Variants in HPCAL1 observed in about 807,000 individuals in gnomAD.
HPCAL1 encodes the protein hippocalcin like 1, also known as hippocalcin-like protein 1.
In HPCAL1, 8 loss-of-function variants were observed where a neutral mutation model predicts 17.1. The ratio of observed to expected loss-of-function variants is 0.47; its 90% CI spans 0.27 to 0.84. The LOEUF (loss-of-function observed/expected upper bound fraction) is 0.84, where lower values mean the gene tolerates loss of function less well. Ranked by LOEUF, HPCAL1 falls within the 40% of genes least tolerant of loss-of-function variation. The probability of loss-of-function intolerance (pLI) is 0.13; values close to 1 mark genes in which losing one functional copy is unlikely to be tolerated. For missense variants in HPCAL1, 165 were observed against 271.1 expected (o/e 0.61, Z 2.75); for synonymous variants, 112 against 111.4 (o/e 1.01, Z -0.03).
At chr2:10,382,145 A>T (rs570716203) in intron 1 of HPCAL1, among the ~76,000 whole-genome samples, 27 of 152,320 alleles carry the variant, frequency 1.8e-4, no homozygotes, top group African/African-American at 6.0e-4. Flanking sequence ...ACATGGGGGA[A>T]CTCATCTGCA....
chr2:10,320,338 T>C (rs6743549), intron 1 of HPCAL1, among the ~76,000 whole-genome samples: 10,121 of 152,158 alleles, frequency 0.067, 570 homozygotes, highest in African/African-American at 0.15. Flanking sequence ...TGGGGGGTGA[T>C]TGGATCATGG....
chr2:10,304,787 A>G lies in HPCAL1; in HGVS notation c.-111+1610A>G, dbSNP rs1340261957. ...TCGCCTTGGTGTCTTTCTCTGGGGGAAAAAAATCGCCTTTAACCAAGGGAG... is the reference window on the plus strand; with the variant it reads ...TCGCCTTGGTGTCTTTCTCTGGGGGGAAAAAATCGCCTTTAACCAAGGGAG... On this transcript the variant is annotated intron_variant, in intron 1 of 4. Transcript: ENST00000307845. The surrounding 1 kb of genome is among the most constrained non-coding windows in gnomAD (Gnocchi z 4.1). 1.3e-5 allele frequency among the ~76,000 whole-genome samples: 2 copies of G among 151,956 alleles called. No individual in the cohort carries two copies. Among genetic ancestry groups the G allele is most frequent in the African/African-American group, 2.4e-5 (1 of 41,352 alleles).
chr2:10,337,806 G>A (rs1328477589), intron 1 of HPCAL1, among the ~76,000 whole-genome samples: 3 of 152,124 alleles, frequency 2.0e-5, no homozygotes, highest in African/African-American at 4.8e-5. Context: ...TCAGTGGCTG[G>A]TTTCTCAGTC....
intron 2 of HPCAL1, among the ~76,000 whole-genome samples, chr2:10,411,854 G>A (rs1670379591): frequency 6.6e-6 from 1 of 152,238 alleles, no homozygotes; most frequent in South Asian, 2.1e-4. Flanking sequence ...AGGCTGGAGA[G>A]GGCAGACTTC....
intron 1 of HPCAL1, among the ~76,000 whole-genome samples, chr2:10,361,830 C>T (rs1209749261): frequency 6.6e-6 from 1 of 151,768 alleles, no homozygotes; most frequent in Non-Finnish European, 1.5e-5. Context: ...AATTTTCCTG[C>T]TTCGGCTTCC....
intron 2 of HPCAL1, among the ~76,000 whole-genome samples, chr2:10,414,699 C>G (rs1670551633): frequency 6.6e-6 from 1 of 152,154 alleles, no homozygotes; most frequent in Non-Finnish European, 1.5e-5. Context: ...ATTCTGCTCA[C>G]AGCTGGTTCT....
chr2:10,329,727 C>T (rs369311679), intron 1 of HPCAL1, among the ~76,000 whole-genome samples: 7 of 152,246 alleles, frequency 4.6e-5, no homozygotes, highest in Admixed American at 2.0e-4. Flanking sequence ...GCTTCTGACC[C>T]GTGGATCCCA....
rs1051525629 is a variant in HPCAL1 at position 10,394,828 on chromosome 2, C to A, written c.-110-2007C>A. ...ATTTTATTTTTTTGAGACAACATTT[C>A]ACTGTCACCCAGGCTGGAGTGCAGT... On this transcript the variant is annotated intron_variant, in intron 1 of 4. Coordinates refer to ENST00000307845, the MANE Select transcript of HPCAL1 (RefSeq NM_002149.4). This position sits in a 1 kb window ranked among gnomAD's most constrained non-coding sequence, Gnocchi z 5.0. 1.3e-5 allele frequency among the ~76,000 whole-genome samples: 2 copies of A among 152,050 alleles called. No homozygotes were observed. Among genetic ancestry groups the A allele is most frequent in the Admixed American group, 6.6e-5 (1 of 15,262 alleles).
intron 1 of HPCAL1, among the ~76,000 whole-genome samples, chr2:10,355,178 G>A (rs1044704684): frequency 2.0e-5 from 3 of 152,162 alleles, no homozygotes; most frequent in Non-Finnish European, 2.9e-5. Flanking sequence ...GGGGCCGGGC[G>A]CGGTGGCTCA....
At chr2:10,347,366 T>C (rs558855414) in intron 1 of HPCAL1, among the ~76,000 whole-genome samples, 49 of 152,298 alleles carry the variant, frequency 3.2e-4, no homozygotes, top group African/African-American at 1.2e-3. Flanking sequence ...TGGGACTGAC[T>C]TGGCTCACAG....
intron 2 of HPCAL1, among the ~76,000 whole-genome samples, chr2:10,410,946 T>C (rs1670315782): frequency 7.0e-6 from 1 of 142,426 alleles, no homozygotes; most frequent in African/African-American, 2.5e-5. Context: ...CCCCCGTTTC[T>C]TGTGAGGCAG....
At chr2:10,332,174 G>A (rs1022961528) in intron 1 of HPCAL1, among the ~76,000 whole-genome samples, 15 of 152,168 alleles carry the variant, frequency 9.9e-5, no homozygotes, top group South Asian at 6.2e-4. Context: ...GGCTTCAGAG[G>A]GGAAGTACCT....
At chr2:10,306,323 G>A (rs931048656) in intron 1 of HPCAL1, among the ~76,000 whole-genome samples, 9 of 152,080 alleles carry the variant, frequency 5.9e-5, no homozygotes, top group Non-Finnish European at 1.2e-4. Flanking sequence ...AGCACCTGAT[G>A]TCACTGTGCT....
intron 4 of HPCAL1, chr2:10,424,365 C>G (rs1370682942): frequency 7.5e-6 from 3 of 402,530 alleles, no homozygotes; most frequent in Non-Finnish European, 1.6e-5. Flanking sequence ...ACCCTCCAGC[C>G]TAGCAGGGCA....
At chr2:10,358,756 C>G (rs996413978) in intron 1 of HPCAL1, among the ~76,000 whole-genome samples, 7 of 152,240 alleles carry the variant, frequency 4.6e-5, no homozygotes, top group Admixed American at 4.6e-4. Flanking sequence ...CTTCTGGCTC[C>G]CCCATCTGCT....
intron 1 of HPCAL1, among the ~76,000 whole-genome samples, chr2:10,366,044 C>T (rs1037245884): frequency 1.3e-5 from 2 of 152,146 alleles, no homozygotes; most frequent in Non-Finnish European, 2.9e-5. Context: ...CCTCCCGCAG[C>T]GTTGTCAATA....
At chr2:10,306,553 T>A (rs902078171) in intron 1 of HPCAL1, among the ~76,000 whole-genome samples, 5 of 152,184 alleles carry the variant, frequency 3.3e-5, no homozygotes, top group African/African-American at 1.2e-4. Context: ...GGTGGCTGTA[T>A]ATGGAGACAG....
At position 10,377,688 on chromosome 2, in the gene HPCAL1, G is replaced by A. The variant is rs1667662648; in HGVS notation, c.-110-19147G>A. The stretch of plus-strand genomic sequence containing the variant: ...GCCCTGGCTGAGCATGCACTCTGAG[G>A]GCAGACCCTGGCCGGGCACCAAGAT... On this transcript the variant is annotated intron_variant, in intron 1 of 4. Coordinates refer to ENST00000307845, the MANE Select transcript of HPCAL1 (RefSeq NM_002149.4). This position sits in a 1 kb window ranked among gnomAD's most constrained non-coding sequence, Gnocchi z 5.9. Among the ~76,000 whole-genome samples, 1 of 152,054 alleles carries A rather than the reference G, an allele frequency of 6.6e-6. No individual in the cohort carries two copies. The highest frequency in any genetic ancestry group is 2.4e-5 in the African/African-American group (1 of 41,384).
intron 1 of HPCAL1, among the ~76,000 whole-genome samples, chr2:10,385,497 C>T (rs544899239): frequency 6.6e-6 from 1 of 152,286 alleles, no homozygotes; most frequent in South Asian, 2.1e-4. Flanking sequence ...CTTGCTGCTT[C>T]TCTCGGAGGC....
Sources: gnomAD v4.1 joint callset for allele counts (sites outside exome capture counted in the v4.1 genomes callset) on GRCh38, gnomAD v4.1.1 for gene constraint, Gnocchi (gnomAD v3.1) non-coding constraint, MANE v1.5 for transcripts, NCBI Gene and HGNC (gene_info 2026-07-23, HGNC 2026-07-21) for gene names.